Variants in SYN3 observed in about 807,000 individuals in gnomAD.
SYN3 encodes synapsin-3.
A neutral mutation model predicts 65.8 loss-of-function variants in SYN3; 35 were observed. The observed-to-expected ratio is 0.53, with a 90% CI of 0.41 to 0.70. The LOEUF is 0.70. SYN3 is among the 30% of genes least tolerant of loss of function. SYN3 has a pLI of 0.00. For missense variants in SYN3, 680 were observed against 749.0 expected, an observed-to-expected ratio of 0.91 and a Z score of 1.08; for synonymous variants, 270 against 292.9, an observed-to-expected ratio of 0.92 and a Z score of 0.80.
chr22:32,616,946 G>C (rs2059528922), intron 6 of SYN3, among the ~76,000 whole-genome samples: 1 of 152,100 alleles, frequency 6.6e-6, no homozygotes, highest in Admixed American at 6.6e-5. Context: ...AGGCCCAAAG[G>C]TGTGAAAGTG....
At chr22:32,737,729 A>C (rs1389671351) in intron 6 of SYN3, among the ~76,000 whole-genome samples, 1 of 152,162 alleles carries the variant, frequency 6.6e-6, no homozygotes, top group Non-Finnish European at 1.5e-5. Context: ...AGACGGTATT[A>C]ACTACCATAT....
chr22:32,619,214 G>A lies in SYN3; in HGVS notation c.712-22478C>T, dbSNP rs549168166. ...GAACACGTTGAGGTCCGACAGCACTGGCCTACCTAACCATATGATCGTGGC... is the reference window on the plus strand; with the variant it reads ...GAACACGTTGAGGTCCGACAGCACTAGCCTACCTAACCATATGATCGTGGC... On this transcript the variant is annotated intron_variant, in intron 6 of 13. Transcript: ENST00000358763. 2.6e-5 allele frequency among the ~76,000 whole-genome samples: 4 copies of A among 152,264 alleles called. No homozygotes were observed. In the South Asian group the frequency reaches 8.3e-4, roughly 32 times the overall value.
At chr22:32,548,585 G>A (rs892547569) in intron 7 of SYN3, among the ~76,000 whole-genome samples, 1 of 151,726 alleles carries the variant, frequency 6.6e-6, no homozygotes, top group Admixed American at 6.6e-5. Flanking sequence ...TGTTAGCCAG[G>A]ATGGTCTCAA....
At chr22:32,878,661 T>A (rs1465455064) in intron 4 of SYN3, among the ~76,000 whole-genome samples, 1 of 152,222 alleles carries the variant, frequency 6.6e-6, no homozygotes, top group Non-Finnish European at 1.5e-5. Context: ...CATAAGAATA[T>A]CCTTCATTTC....
chr22:32,763,394 G>A (rs925773751), intron 6 of SYN3, among the ~76,000 whole-genome samples: 9 of 151,454 alleles, frequency 5.9e-5, no homozygotes, highest in Non-Finnish European at 1.2e-4. Flanking sequence ...CTCATGATCC[G>A]CCTGCCTTGG....
intron 6 of SYN3, among the ~76,000 whole-genome samples, chr22:32,613,874 C>T (rs755878209): frequency 1.3e-5 from 2 of 152,158 alleles, no homozygotes; most frequent in Non-Finnish European, 2.9e-5. Flanking sequence ...CTCCTTCACC[C>T]TTCCTTCCAC....
chr22:32,669,681 A>G (rs2060335246), intron 6 of SYN3, among the ~76,000 whole-genome samples: 1 of 152,204 alleles, frequency 6.6e-6, no homozygotes, highest in South Asian at 2.1e-4. Context: ...AGTTTTATAC[A>G]TGGTTGTCCA....
chr22:32,822,002 A>T (rs1320099538), intron 6 of SYN3, among the ~76,000 whole-genome samples: 1 of 152,012 alleles, frequency 6.6e-6, no homozygotes, highest in Non-Finnish European at 1.5e-5. Context: ...CTAAAAATAC[A>T]AAATTAGCCG....
At chr22:32,533,734 C>T (rs561377428) in intron 10 of SYN3, 59 bp downstream of exon 10, 3 of 1,234,644 alleles carry the variant, frequency 2.4e-6, no homozygotes, top group Admixed American at 1.7e-5. Flanking sequence ...GGGATTCCCT[C>T]CCCCTGGCAC....
intron 4 of SYN3, among the ~76,000 whole-genome samples, chr22:32,911,561 G>T (rs962622482): frequency 6.6e-6 from 1 of 152,148 alleles, no homozygotes; most frequent in Admixed American, 6.5e-5. Flanking sequence ...GGCAGCAGGA[G>T]CATGGAGGCA....
chr22:32,963,474 T>C (rs2051725491), intron 3 of SYN3, among the ~76,000 whole-genome samples: 1 of 151,758 alleles, frequency 6.6e-6, no homozygotes, highest in Non-Finnish European at 1.5e-5. Flanking sequence ...GCCTGGAGAG[T>C]TAGGTTCTAG....
chr22:32,908,385 CTTTTT>C (rs10719402), intron 4 of SYN3, among the ~76,000 whole-genome samples: 3 of 116,630 alleles, frequency 2.6e-5, no homozygotes, highest in Non-Finnish European at 5.1e-5. Context: ...CACGCCTAGC[CTTTTT>C]TTTTTTTTTT....
At chr22:33,023,434 G>A (rs902119595) in intron 1 of SYN3, among the ~76,000 whole-genome samples, 1 of 152,180 alleles carries the variant, frequency 6.6e-6, no homozygotes, top group African/African-American at 2.4e-5. Context: ...CCACGATTGT[G>A]AGGCCTCCCC....
At chr22:32,792,453 A>G (rs1334690105) in intron 6 of SYN3, among the ~76,000 whole-genome samples, 1 of 152,230 alleles carries the variant, frequency 6.6e-6, no homozygotes, top group Non-Finnish European at 1.5e-5. Flanking sequence ...ATATTGCCTC[A>G]ATCTCATGTT....
Position 32,750,997 on chromosome 22 carries a change from C to T in SYN3, c.711+113918G>A, listed in dbSNP as rs113118871. On this transcript the variant is annotated intron_variant, in intron 6 of 13. Coordinates refer to ENST00000358763, the MANE Select transcript of SYN3 (RefSeq NM_003490.4). The stretch of plus-strand genomic sequence containing the variant: ...TCTCTGATATGTGAATCTGGAGCTG[C>T]GGGTTTTCAAACCATGACACCAGGT... 5.7e-3 allele frequency among the ~76,000 whole-genome samples: 864 copies of T among 152,096 alleles called. 2 individuals carry two copies. Among genetic ancestry groups the T allele is most frequent in the Non-Finnish European group, 8.6e-3 (586 of 68,006 alleles).
At chr22:32,574,531 A>G (rs545976630) in intron 7 of SYN3, among the ~76,000 whole-genome samples, 1 of 152,128 alleles carries the variant, frequency 6.6e-6, no homozygotes, top group Non-Finnish European at 1.5e-5. Context: ...AACACAACCC[A>G]CGCTTGCTAG....
intron 7 of SYN3, among the ~76,000 whole-genome samples, chr22:32,542,618 C>G (rs2058275125): frequency 7.1e-6 from 1 of 140,974 alleles, no homozygotes; most frequent in South Asian, 2.3e-4. Context: ...TGCAGTGCTT[C>G]TGTTTGTGTG....
chr22:32,871,267 C>T (rs1038570803), intron 4 of SYN3, among the ~76,000 whole-genome samples: 2 of 152,234 alleles, frequency 1.3e-5, no homozygotes, highest in Admixed American at 6.5e-5. Flanking sequence ...TCCAAGACCA[C>T]CTTCCAAGAG....
At chr22:32,951,418 T>G (rs2051285253) in intron 3 of SYN3, among the ~76,000 whole-genome samples, 1 of 152,158 alleles carries the variant, frequency 6.6e-6, no homozygotes, top group South Asian at 2.1e-4. Flanking sequence ...CCTAAAGCAC[T>G]CATCCCTACG....
Sources: allele counts gnomAD v4.1 joint callset (sites outside exome capture counted in the v4.1 genomes callset), GRCh38; gene constraint gnomAD v4.1.1; transcripts MANE v1.5; gene names NCBI Gene and HGNC (gene_info 2026-07-23, HGNC 2026-07-21).